Variants in TRAK2 observed in about 807,000 individuals in gnomAD.
The protein encoded by TRAK2 is trafficking kinesin-binding protein 2.
In TRAK2, 81 loss-of-function variants were observed where a neutral mutation model predicts 104.6. The ratio of observed to expected loss-of-function variants is 0.77; its 90% CI spans 0.65 to 0.93. TRAK2 has a LOEUF of 0.93. Among genes scored for constraint, TRAK2 ranks in the 40% least tolerant of loss-of-function variants. TRAK2 has a pLI of 0.00. For missense variants in TRAK2, 1,002 were observed against 1,089.0 expected, an observed-to-expected ratio of 0.92 and a Z score of 1.12; for synonymous variants, 406 against 394.4, an observed-to-expected ratio of 1.03 and a Z score of -0.35.
At chr2:201,434,383 T>C (rs570591047) in intron 1 of TRAK2, among the ~76,000 whole-genome samples, 1 of 152,142 alleles carries the variant, frequency 6.6e-6, no homozygotes, top group African/African-American at 2.4e-5. Flanking sequence ...AAAAATGGGA[T>C]TTGTAATACA....
rs1413357902 is a variant in TRAK2, at chr2:201,447,354, C to A, written c.-200+3996G>T. ...TTGTATGTCAACTTCTATCACCTAA[C>A]CACAGCTTAAAGCCTTTTTGTATGT... On this transcript the variant is annotated intron_variant, in intron 1 of 15. Coordinates refer to ENST00000332624, the MANE Select transcript of TRAK2 (RefSeq NM_015049.3). The surrounding 1 kb of genome is among the most constrained non-coding windows in gnomAD (Gnocchi z 4.1). Among the ~76,000 whole-genome samples the A allele has an allele frequency of 2.0e-5, 3 of 152,224 alleles. No individual in the cohort carries two copies. The highest frequency in any genetic ancestry group is 6.5e-5 in the Admixed American group (1 of 15,284).
At chr2:201,387,608 T>C in intron 13 of TRAK2, 95 bp downstream of exon 13, 5 of 1,286,146 alleles carry the variant, frequency 3.9e-6, no homozygotes, top group Admixed American at 2.3e-5. Context: ...CATCTGCACA[T>C]AATGTTCCTA....
At chr2:201,435,133 T>C (rs995151098) in intron 1 of TRAK2, among the ~76,000 whole-genome samples, 1 of 152,192 alleles carries the variant, frequency 6.6e-6, no homozygotes, top group Non-Finnish European at 1.5e-5. Context: ...CTCCACTCAC[T>C]GCAACCTTCG....
intron 2 of TRAK2, chr2:201,410,985 C>T (rs1951641030): frequency 1.3e-6 from 2 of 1,502,194 alleles, no homozygotes; most frequent in Non-Finnish European, 1.8e-6. Context: ...CATGTTGAAT[C>T]CTGAAGTCTG....
chr2:201,424,791 T>TA (rs1322053993), intron 1 of TRAK2, among the ~76,000 whole-genome samples: 3 of 151,692 alleles, frequency 2.0e-5, no homozygotes, highest in Non-Finnish European at 4.4e-5. Context: ...TTTTTTTTAG[T>TA]AGAGACGGGG....
intron 10 of TRAK2, among the ~76,000 whole-genome samples, chr2:201,391,049 G>A (rs959674043): frequency 2.6e-5 from 4 of 152,010 alleles, no homozygotes; most frequent in African/African-American, 4.8e-5. Flanking sequence ...CCTGCTGAGA[G>A]GGACTAGAAG....
chr2:201,392,896 C>G lies in TRAK2; in HGVS notation c.1113+13G>C. 1.9e-6 allele frequency: 3 copies of G among 1,602,872 alleles called. No homozygotes were observed. Among genetic ancestry groups the G allele is most frequent in the Non-Finnish European group, 2.6e-6 (3 of 1,176,040 alleles). ...ATTTCTTTAAATACATAGCATCTTT[C>G]TTAGTTGCTTACCCCAGTAAAAGCT... is the stretch of plus-strand genomic sequence containing the variant. On this transcript the variant is annotated intron_variant, in intron 10 of 15. Transcript: ENST00000332624.
At chr2:201,423,037 C>CCACCACCACACACA (rs776613893) in intron 1 of TRAK2, among the ~76,000 whole-genome samples, 7 of 134,150 alleles carry the variant, frequency 5.2e-5, no homozygotes, top group African/African-American at 2.0e-4. Flanking sequence ...AACACCACCA[C>CCACCACCACACACA]CACACACACA....
intron 2 of TRAK2, chr2:201,412,245 C>A: frequency 9.9e-7 from 1 of 1,008,240 alleles, no homozygotes; most frequent in Non-Finnish European, 1.6e-6. Flanking sequence ...GAACCTTTGG[C>A]AGTCCGTTGA....
rs1034579602 is a variant in TRAK2 at position 201,447,623 on chromosome 2, T to G, written c.-200+3727A>C. Among the ~76,000 whole-genome samples the G allele has an allele frequency of 2.0e-5, 3 of 152,206 alleles. No individual in the cohort carries two copies. Among genetic ancestry groups the G allele is most frequent in the Non-Finnish European group, 4.4e-5 (3 of 68,036 alleles). The stretch of plus-strand genomic sequence containing the variant: ...CTGTGTCTCTTTTTGTGCTCAAATT[T>G]CCTTCTTATAAGGAAAACTGTCAGA... On this transcript the variant is annotated intron_variant, in intron 1 of 15. Transcript: ENST00000332624. This position sits in a 1 kb window ranked among gnomAD's most constrained non-coding sequence, Gnocchi z 4.1.
chr2:201,449,629 C>T (rs555287911), intron 1 of TRAK2, among the ~76,000 whole-genome samples: 9 of 151,684 alleles, frequency 5.9e-5, no homozygotes, highest in African/African-American at 1.7e-4. Flanking sequence ...GGACTGCAGG[C>T]ATGTGCCACC....
chr2:201,389,377 T>C lies in TRAK2; in HGVS notation c.1320A>G (p.Lys440=), dbSNP rs1425456339. 5 of 1,614,056 alleles carry C rather than the reference T, an allele frequency of 3.1e-6. No individual in the cohort carries two copies. The highest frequency in any genetic ancestry group is 1.3e-5 in the African/African-American group (1 of 74,984). The part of the protein sequence containing the change: ...SNRSSVIMTA[K]PFESGLQQTE... ...TTTGCTGAAGACCAGACTCAAAAGG[T>C]TTTGCTGTCATGATGACACTTGAAC... Residue 440 remains lysine (K), a synonymous_variant, in exon 12 of 16, where the codon AAA becomes AAG. Transcript: ENST00000332624.
chr2:201,417,843 A>G (rs1285181316), intron 2 of TRAK2, among the ~76,000 whole-genome samples: 1 of 152,212 alleles, frequency 6.6e-6, no homozygotes, highest in East Asian at 1.9e-4. Context: ...AAGTTACTAA[A>G]ACTAGCAAGT....
chr2:201,404,551 C>T (rs1951577273), intron 3 of TRAK2, among the ~76,000 whole-genome samples: 4 of 152,088 alleles, frequency 2.6e-5, no homozygotes, highest in African/African-American at 9.7e-5. Context: ...ATGTTCTGTC[C>T]CTGCATAATT....
chr2:201,409,214 A>G (rs1411386585), intron 2 of TRAK2, among the ~76,000 whole-genome samples: 1 of 152,090 alleles, frequency 6.6e-6, no homozygotes, highest in Non-Finnish European at 1.5e-5. Flanking sequence ...AGACAAATGC[A>G]TGAAAAATAC....
intron 15 of TRAK2, among the ~76,000 whole-genome samples, chr2:201,381,690 A>G (rs966444135): frequency 3.9e-5 from 6 of 152,192 alleles, no homozygotes; most frequent in Admixed American, 6.5e-5. Context: ...AAAAAATACA[A>G]TCTTTCACAA....
intron 2 of TRAK2, chr2:201,412,925 G>C (rs142334600): frequency 1.7e-4 from 133 of 782,778 alleles, no homozygotes; most frequent in Middle Eastern, 9.1e-4. Flanking sequence ...CAGTTACCAA[G>C]AACACTGGCT....
rs182601684 is a variant in TRAK2 at position 201,392,948 on chromosome 2, A to C, written c.1074T>G (p.Ala358=). The part of the protein sequence containing the change: ...KELRSRSGPT[A]HLYFSQSYGA... Reference sequence around the variant, plus strand: ...CATATGATTGGGAGAAGTAGAGATGAGCAGTAGGGCCAGATCTACTACGAA... The same window carrying C: ...CATATGATTGGGAGAAGTAGAGATGCGCAGTAGGGCCAGATCTACTACGAA... Residue 358 remains alanine, a synonymous_variant, in exon 10 of 16, where the codon GCT becomes GCG. Transcript: ENST00000332624. The C allele has an allele frequency of 2.4e-5, 39 of 1,613,688 alleles. No individual in the cohort carries two copies. In the Admixed American group the frequency reaches 6.2e-4, roughly 26 times the overall value.
At chr2:201,431,217 T>C (rs1268113703) in intron 1 of TRAK2, among the ~76,000 whole-genome samples, 1 of 152,260 alleles carries the variant, frequency 6.6e-6, no homozygotes, top group East Asian at 1.9e-4. Flanking sequence ...CAAAAAAGTC[T>C]TAACTATACT....
Sources: allele counts gnomAD v4.1 joint callset (sites outside exome capture counted in the v4.1 genomes callset), GRCh38; gene constraint gnomAD v4.1.1; non-coding constraint Gnocchi (gnomAD v3.1); transcripts MANE v1.5; gene names NCBI Gene and HGNC (gene_info 2026-07-23, HGNC 2026-07-21).